The following MTR variants were observed in gnomAD, a reference collection of about 807,000 sequenced individuals.
MTR encodes 5-methyltetrahydrofolate-homocysteine methyltransferase.
In MTR, 84 loss-of-function variants were observed where a neutral mutation model predicts 154.8. That is an observed-to-expected ratio of 0.54 (90% CI 0.45 to 0.65). The LOEUF (loss-of-function observed/expected upper bound fraction) is 0.65. Among genes scored for constraint, MTR ranks in the 30% least tolerant of loss-of-function variants. The probability of loss-of-function intolerance (pLI) is 0.00; values close to 1 mark genes in which losing one functional copy is unlikely to be tolerated. For synonymous variants in MTR, 554 were observed against 553.9 expected (o/e 1.00, Z 0.00); for missense variants, 1,275 against 1,570.2 (o/e 0.81, Z 3.18).
rs770712607 is a variant in MTR at position 236,812,643 on chromosome 1, A to G, written c.503-95A>G. The G allele has an allele frequency of 3.2e-4, 295 of 926,750 alleles. 1 individual carries two copies. Among genetic ancestry groups the G allele is most frequent in the Non-Finnish European group, 4.8e-4 (265 of 554,612 alleles). 57.4% of individuals were successfully genotyped at this position (926,750 alleles called of 1,614,324 possible). A position where few individuals can be genotyped will look rare whatever the true frequency, so the allele number is the denominator to read the frequency against. Reference sequence around the variant, plus strand: ...TTAAACTATGCATTGTAAACCAGCAATAGTTCACAGGTGCCAGACCTACAC... The same window carrying G: ...TTAAACTATGCATTGTAAACCAGCAGTAGTTCACAGGTGCCAGACCTACAC... On this transcript the variant is annotated intron_variant, in intron 5 of 32. Coordinates refer to ENST00000366577, the MANE Select transcript of MTR (RefSeq NM_000254.3).
chr1:236,832,839 T>G (rs1374927670), intron 13 of MTR, among the ~76,000 whole-genome samples: 5 of 152,170 alleles, frequency 3.3e-5, no homozygotes, highest in Non-Finnish European at 7.4e-5. Flanking sequence ...ACCTGTTCAT[T>G]ATTACCTGAT....
chr1:236,887,776 C>T (rs1046335617), intron 27 of MTR, among the ~76,000 whole-genome samples: 8 of 152,198 alleles, frequency 5.3e-5, no homozygotes, highest in Non-Finnish European at 7.3e-5. Context: ...TGCAGGAAGT[C>T]GGTAGGGAAT....
chr1:236,856,417 A>G (rs1664205273), intron 18 of MTR, among the ~76,000 whole-genome samples: 2 of 151,800 alleles, frequency 1.3e-5, no homozygotes, highest in South Asian at 4.2e-4. Flanking sequence ...CTTTGGCCCT[A>G]AATCTTGGAG....
intron 8 of MTR, chr1:236,819,993 T>G: frequency 8.9e-7 from 1 of 1,122,600 alleles, no homozygotes; most frequent in Non-Finnish European, 1.3e-6. Context: ...CCGGGAGCCA[T>G]GGCTTCTTGT....
chr1:236,873,597 A>C (rs1235523013), intron 22 of MTR, among the ~76,000 whole-genome samples, 176 bp from the exon 23 acceptor site: 1 of 152,254 alleles, frequency 6.6e-6, no homozygotes, highest in East Asian at 1.9e-4. Context: ...GCGTATATGT[A>C]GTAAGTACTG....
intron 12 of MTR, 59 bp downstream of exon 12, chr1:236,829,327 T>C: frequency 7.2e-7 from 1 of 1,381,490 alleles, no homozygotes. Context: ...GTGTGAGTAT[T>C]CTAAGTGGTA....
rs1443429228 is a variant in MTR at position 236,899,257 on chromosome 1, T to G, written c.*1613T>G. 6.6e-6 allele frequency: 1 copy of G among 152,132 alleles called. No homozygotes were observed. The highest frequency in any genetic ancestry group is 2.1e-4 in the South Asian group (1 of 4,804). The allele number at this position is 152,132 out of a possible 1,614,324, so 9.4% of individuals were successfully genotyped here. A position where few individuals can be genotyped will look rare whatever the true frequency, so the allele number is the denominator to read the frequency against. ...AATGCTTCTAAATATGAAGGAGAGG[T>G]TGGGGACACGCACCCTATGTGATAC... is the stretch of plus-strand genomic sequence containing the variant. On this transcript the variant is annotated 3_prime_UTR_variant, in exon 33 of 33. Transcript: ENST00000366577.
chr1:236,827,148 G>A (rs992994721), intron 11 of MTR, among the ~76,000 whole-genome samples: 2 of 152,122 alleles, frequency 1.3e-5, no homozygotes, highest in Admixed American at 6.5e-5. Flanking sequence ...ACACAAATGC[G>A]CACACAGAGG....
At chr1:236,802,587 G>C (rs963808104) in intron 1 of MTR, among the ~76,000 whole-genome samples, 6 of 152,012 alleles carry the variant, frequency 3.9e-5, no homozygotes, top group Admixed American at 6.6e-5. Flanking sequence ...AGGTGGAGAG[G>C]GTGTGAGTTT....
At chr1:236,897,519 A>G in intron 32 of MTR, 39 bp from the exon 33 acceptor site, 1 of 1,574,802 alleles carries the variant, frequency 6.3e-7, no homozygotes, top group Admixed American at 1.7e-5. Flanking sequence ...CAAAAGTCTT[A>G]TCATGTTGGT....
At chr1:236,839,825 G>T (rs775599437) in intron 15 of MTR, among the ~76,000 whole-genome samples, 7 of 152,090 alleles carry the variant, frequency 4.6e-5, no homozygotes, top group Non-Finnish European at 7.4e-5. Flanking sequence ...CTTAAACTTG[G>T]TCCTTACTAC....
At position 236,895,447 on chromosome 1, in the gene MTR, G is replaced by T; in HGVS notation, c.3495G>T (p.Arg1165Ser). The T allele has an allele frequency of 6.2e-7, 1 of 1,601,328 alleles. No homozygotes were observed. The highest frequency in any genetic ancestry group is 2.2e-5 in the East Asian group (1 of 44,466). The change falls in exon 31 of 33, where the codon AGG becomes AGT. Residue 1165 changes from arginine to serine, a missense_variant. Physicochemically the swap from Arg to Ser is moderately radical, Grantham distance 110. Transcript: ENST00000366577. ...SEQLDVADLR[R>S]LRYKGIRPAP... ...AGCTGGACGTCGCAGACCTGCGCAGGCTGCGGTACAAGGGCATCCGCCCGG... is the reference window on the plus strand; with the variant it reads ...AGCTGGACGTCGCAGACCTGCGCAGTCTGCGGTACAAGGGCATCCGCCCGG...
chr1:236,838,901 A>G (rs1663064561), intron 15 of MTR, among the ~76,000 whole-genome samples: 1 of 152,230 alleles, frequency 6.6e-6, no homozygotes, highest in Admixed American at 6.5e-5. Context: ...TAGATGGTAT[A>G]TATAGTGTGT....
At position 236,829,232 on chromosome 1, in the gene MTR, C is replaced by T. The variant is rs140956566; in HGVS notation, c.1039C>T (p.Pro347Ser). Residue 347 changes from proline (P) to serine (S), a missense_variant, in exon 12 of 33, where the codon CCT (proline) becomes TCT (serine). By Grantham distance (74) the Pro-to-Ser change is moderately conservative (BLOSUM62 -1). Transcript: ENST00000366577. ...GAAAAATTGTAAGCCTAGAGTTCCA[C>T]CTGCCACTGCTTTTGAAGGACATAT... ...AVKNCKPRVP[P>S]ATAFEGHMLL... is the part of the protein sequence containing the mutation. 151 of 1,613,954 alleles carry T rather than the reference C, an allele frequency of 9.4e-5. No individual in the cohort carries two copies. The highest frequency in any genetic ancestry group is 1.2e-4 in the Admixed American group (7 of 59,986).
rs200664619 is a variant in MTR, at chr1:236,816,591, T to G, written c.764+48T>G. ...ACTTCTTTTCTTTTTTGGGGAACCT[T>G]TTCTGATGGCTGTGGAGTGTGACCT... On this transcript the variant is annotated intron_variant, in intron 8 of 32. Coordinates refer to ENST00000366577, the MANE Select transcript of MTR (RefSeq NM_000254.3). 1.8e-3 allele frequency: 2,665 copies of G among 1,487,832 alleles called. 1 individual carries two copies. Among genetic ancestry groups the G allele is most frequent in the Non-Finnish European group, 2.4e-3 (2,571 of 1,065,234 alleles). The allele number at this position is 1,487,832 out of a possible 1,614,324, so 92.2% of individuals were successfully genotyped here. A position where few individuals can be genotyped will look rare whatever the true frequency, so the allele number is the denominator to read the frequency against.
chr1:236,859,984 T>C, intron 19 of MTR, 62 bp downstream of exon 19: 2 of 1,429,724 alleles, frequency 1.4e-6, no homozygotes, highest in Non-Finnish European at 9.8e-7. Flanking sequence ...GATCCTGTTG[T>C]GGGCGGTGTG....
At chr1:236,799,552 G>A (rs1482663057) in intron 1 of MTR, among the ~76,000 whole-genome samples, 1 of 151,712 alleles carries the variant, frequency 6.6e-6, no homozygotes, top group African/African-American at 2.4e-5. Context: ...TCCATAGACC[G>A]CCTTTTTCAC....
Position 236,838,314 on chromosome 1 carries a change from G to T in MTR, c.1330-100G>T, listed in dbSNP as rs1663024859. The T allele has an allele frequency of 2.7e-5, 34 of 1,242,188 alleles. No individual in the cohort carries two copies. In the Admixed American group the frequency reaches 3.0e-4, roughly 11 times the overall value. 76.9% of individuals were successfully genotyped at this position (1,242,188 alleles called of 1,614,324 possible). On this transcript the variant is annotated intron_variant, in intron 14 of 32. Transcript: ENST00000366577. ...GACATACTACTATTTTTTGTTTATT[G>T]TTTTGCTAAAGAAGAAATAGGGAAT...
At chr1:236,833,814 G>T (rs1279760546) in intron 13 of MTR, among the ~76,000 whole-genome samples, 2 of 152,180 alleles carry the variant, frequency 1.3e-5, no homozygotes, top group Admixed American at 1.3e-4. Flanking sequence ...TGATTCTTAA[G>T]AAATAGGTCA....
Sources: allele counts gnomAD v4.1 joint callset (sites outside exome capture counted in the v4.1 genomes callset), GRCh38; gene constraint gnomAD v4.1.1; transcripts MANE v1.5; gene names NCBI Gene and HGNC (gene_info 2026-07-23, HGNC 2026-07-21).